Variants in PID1 observed in about 807,000 individuals in gnomAD.
The protein encoded by PID1 is PTB-containing, cubilin and LRP1-interacting protein.
In PID1, 10 loss-of-function variants were observed where a neutral mutation model predicts 19.1. The observed-to-expected ratio is 0.52, with a 90% CI of 0.32 to 0.89. PID1 has a LOEUF of 0.89. Among genes scored for constraint, PID1 ranks in the 40% least tolerant of loss-of-function variants. The pLI is 0.03. For synonymous variants in PID1, 130 were observed against 116.0 expected (o/e 1.12, Z -0.78); for missense variants, 248 against 285.3 (o/e 0.87, Z 0.94).
intron 2 of PID1, among the ~76,000 whole-genome samples, chr2:229,143,717 G>A (rs113462807): frequency 0.025 from 3,876 of 152,154 alleles, 180 homozygotes; most frequent in African/African-American, 0.089. Context: ...CATGGGGGCC[G>A]TTTCCCCCAT....
intron 2 of PID1, among the ~76,000 whole-genome samples, chr2:229,110,519 G>C (rs1046669817): frequency 2.6e-5 from 4 of 152,128 alleles, no homozygotes; most frequent in Non-Finnish European, 5.9e-5. Context: ...TTCTTATGGG[G>C]GCCGAGATTG....
At chr2:229,257,862 T>C (rs1187109660) in intron 1 of PID1, among the ~76,000 whole-genome samples, 2 of 152,224 alleles carry the variant, frequency 1.3e-5, no homozygotes, top group South Asian at 2.1e-4. Context: ...GAAAAACAAT[T>C]GCCTCACAAG....
intron 2 of PID1, among the ~76,000 whole-genome samples, chr2:229,041,838 T>C (rs1436018521): frequency 1.3e-5 from 2 of 151,974 alleles, no homozygotes; most frequent in Non-Finnish European, 2.9e-5. Flanking sequence ...TGCTTAAACT[T>C]CCAAAGTATA....
chr2:229,131,989 A>T (rs754226569), intron 2 of PID1, among the ~76,000 whole-genome samples: 1 of 152,132 alleles, frequency 6.6e-6, no homozygotes, highest in Admixed American at 6.5e-5. Context: ...GAAAAGAGCA[A>T]TGTAGACAGT....
At chr2:229,130,182 A>T (rs1689701565) in intron 2 of PID1, among the ~76,000 whole-genome samples, 1 of 152,070 alleles carries the variant, frequency 6.6e-6, no homozygotes. Flanking sequence ...ACTTTGACTA[A>T]CTCTCTGTGT....
intron 2 of PID1, among the ~76,000 whole-genome samples, chr2:229,037,447 T>C (rs943596743): frequency 1.3e-5 from 2 of 152,174 alleles, no homozygotes; most frequent in African/African-American, 4.8e-5. Context: ...TTAGTTCCAA[T>C]GATGCAGGGT....
intron 2 of PID1, among the ~76,000 whole-genome samples, chr2:229,058,743 A>AAAT (rs1694154014): frequency 6.6e-6 from 1 of 151,038 alleles, no homozygotes; most frequent in Non-Finnish European, 1.5e-5. Context: ...AAAAAAAAAA[A>AAAT]GTGAGTTCCA....
intron 1 of PID1, among the ~76,000 whole-genome samples, chr2:229,243,924 A>T (rs1254882966): frequency 6.6e-6 from 1 of 152,068 alleles, no homozygotes; most frequent in Non-Finnish European, 1.5e-5. Flanking sequence ...AGATCATCTA[A>T]GTTTTTTTAA....
At chr2:229,121,713 G>T (rs1462403986) in intron 2 of PID1, among the ~76,000 whole-genome samples, 2 of 152,116 alleles carry the variant, frequency 1.3e-5, no homozygotes, top group African/African-American at 4.8e-5. Context: ...GTATGGAGGG[G>T]GGAGGTATTT....
In PID1 at chr2:229,227,042, T is replaced by G. The variant is rs984209432; in HGVS notation, c.30+43972A>C. Among the ~76,000 whole-genome samples the G allele has an allele frequency of 1.6e-4, 25 of 152,316 alleles. 1 individual carries two copies. Among genetic ancestry groups the G allele is most frequent in the Non-Finnish European group, 2.9e-5 (2 of 68,020 alleles). On this transcript the variant is annotated intron_variant, in intron 1 of 2. Transcript: ENST00000392055. Reference sequence around the variant, plus strand: ...GAGAAATTGTTCTTCTGGTTGACTTTGTGAAGAAAAAACAAATAAACGCAA... The same window carrying G: ...GAGAAATTGTTCTTCTGGTTGACTTGGTGAAGAAAAAACAAATAAACGCAA...
chr2:229,046,452 C>T (rs563581203), intron 2 of PID1, among the ~76,000 whole-genome samples: 12 of 150,908 alleles, frequency 8.0e-5, no homozygotes, highest in African/African-American at 7.3e-5. Context: ...AAATTTAAAA[C>T]ATGCCTCAAA....
At chr2:229,163,482 C>T (rs554921263) in intron 1 of PID1, among the ~76,000 whole-genome samples, 9 of 145,392 alleles carry the variant, frequency 6.2e-5, no homozygotes, top group African/African-American at 2.0e-4. Context: ...TTTATTCATG[C>T]AGCTTTGATC....
chr2:229,204,061 A>G (rs755701687), intron 1 of PID1, among the ~76,000 whole-genome samples: 26 of 152,094 alleles, frequency 1.7e-4, no homozygotes, highest in Non-Finnish European at 3.5e-4. Flanking sequence ...AAATTTGGCA[A>G]ACTAAACTTG....
intron 1 of PID1, among the ~76,000 whole-genome samples, chr2:229,184,074 GTATATCCCATATA>G (rs1691024598): frequency 8.1e-5 from 1 of 12,278 alleles, no homozygotes; most frequent in African/African-American, 7.2e-4. Flanking sequence ...TATCCCATAT[GTATATCCCATATA>G]TATATCCCAT....
chr2:229,237,494 A>T (rs1447086941), intron 1 of PID1, among the ~76,000 whole-genome samples: 2 of 152,324 alleles, frequency 1.3e-5, no homozygotes. Flanking sequence ...AATTGTTTGC[A>T]CAAAAATCAC....
intron 1 of PID1, among the ~76,000 whole-genome samples, chr2:229,268,621 T>A (rs1486997895): frequency 6.6e-6 from 1 of 152,066 alleles, no homozygotes; most frequent in Non-Finnish European, 1.5e-5. Context: ...GAGAAAAAAA[T>A]TAATGAGGTC....
intron 1 of PID1, among the ~76,000 whole-genome samples, chr2:229,261,535 G>A (rs191382328): frequency 1.3e-5 from 2 of 152,130 alleles, no homozygotes; most frequent in Admixed American, 6.5e-5. Flanking sequence ...CATGCAGTGG[G>A]TGAATCTGTG....
chr2:229,115,386 T>G (rs1488104021), intron 2 of PID1, among the ~76,000 whole-genome samples: 2 of 116,370 alleles, frequency 1.7e-5, no homozygotes, highest in East Asian at 5.8e-4. Flanking sequence ...GCACCTATAG[T>G]CCCAGCTACT....
chr2:229,102,939 T>C (rs1695103260), intron 2 of PID1, among the ~76,000 whole-genome samples: 1 of 152,256 alleles, frequency 6.6e-6, no homozygotes, highest in East Asian at 1.9e-4. Flanking sequence ...AGCAGCAACT[T>C]TATTCAATCT....
Sources: gnomAD v4.1 joint callset for allele counts (sites outside exome capture counted in the v4.1 genomes callset) on GRCh38, gnomAD v4.1.1 for gene constraint, MANE v1.5 for transcripts, NCBI Gene and HGNC (gene_info 2026-07-23, HGNC 2026-07-21) for gene names.